Variants in FXR1 observed in about 807,000 individuals in gnomAD.
FXR1 encodes FMR1 autosomal homolog 1.
A neutral mutation model predicts 84.0 loss-of-function variants in FXR1; 15 were observed. That is an observed-to-expected ratio of 0.18 (90% CI 0.12 to 0.27). The LOEUF (loss-of-function observed/expected upper bound fraction) is 0.27. Ranked by LOEUF, FXR1 falls within the 10% of genes least tolerant of loss-of-function variation. The probability of loss-of-function intolerance (pLI) is 1.00; values close to 1 mark genes in which losing one functional copy is unlikely to be tolerated. For synonymous variants in FXR1, 245 were observed against 250.7 expected (o/e 0.98, Z 0.21); for missense variants, 480 against 774.4 (o/e 0.62, Z 4.51).
chr3:180,928,263 C>G (rs1426033312), intron 1 of FXR1, among the ~76,000 whole-genome samples: 2 of 151,860 alleles, frequency 1.3e-5, no homozygotes. Context: ...CTTTTGGAAT[C>G]TGTTCTGTTC....
rs1377440969 is a variant in FXR1 at position 180,978,374 on chromosome 3, A to G, written c.*2082A>G. On this transcript the variant is annotated 3_prime_UTR_variant, in exon 17 of 17. Coordinates refer to ENST00000357559, the MANE Select transcript of FXR1 (RefSeq NM_005087.4). ...ATTACTTTACAAATGACTAAACCCAATGTCTTGTCCTTTAAAAAATATAGG... is the reference window on the plus strand; with the variant it reads ...ATTACTTTACAAATGACTAAACCCAGTGTCTTGTCCTTTAAAAAATATAGG... 5 of 152,118 alleles carry G rather than the reference A, an allele frequency of 3.3e-5. No homozygotes were observed. Among genetic ancestry groups the G allele is most frequent in the African/African-American group, 9.7e-5 (4 of 41,436 alleles). 9.4% of individuals were successfully genotyped at this position (152,118 alleles called of 1,614,324 possible).
intron 9 of FXR1, among the ~76,000 whole-genome samples, chr3:180,955,240 C>T: frequency 6.6e-6 from 1 of 152,006 alleles, no homozygotes; most frequent in South Asian, 2.1e-4. Context: ...ATCTTGTGAT[C>T]CGCCCACCTC....
At chr3:180,961,805 A>G (rs1429112855) in intron 11 of FXR1, among the ~76,000 whole-genome samples, 1 of 152,158 alleles carries the variant, frequency 6.6e-6, no homozygotes, top group Non-Finnish European at 1.5e-5. Flanking sequence ...CTGAGCTTTT[A>G]TATTTCTTTC....
intron 3 of FXR1, among the ~76,000 whole-genome samples, chr3:180,944,060 G>T (rs1351193604): frequency 6.6e-6 from 1 of 151,998 alleles, no homozygotes; most frequent in Non-Finnish European, 1.5e-5. Flanking sequence ...GGGATTACAG[G>T]CATGCACCAC....
At chr3:180,928,479 G>C (rs565882) in intron 1 of FXR1, among the ~76,000 whole-genome samples, 143,132 of 151,206 alleles carry the variant, frequency 0.95, 67,814 homozygotes, top group East Asian at 1. Flanking sequence ...TCAATGGGAT[G>C]CCATTGAAAT....
rs1379082195 is a variant in FXR1, at chr3:180,978,804, G to C, written c.*2512G>C. The C allele has an allele frequency of 6.6e-6, 1 of 152,060 alleles. No individual in the cohort carries two copies. Among genetic ancestry groups the C allele is most frequent in the African/African-American group, 2.4e-5 (1 of 41,428 alleles). 9.4% of individuals were successfully genotyped at this position (152,060 alleles called of 1,614,324 possible). A position where few individuals can be genotyped will look rare whatever the true frequency, so the allele number is the denominator to read the frequency against. On this transcript the variant is annotated 3_prime_UTR_variant, in exon 17 of 17. Transcript: ENST00000357559. ...TATGACACCTGAACGGAATCATGAA[G>C]TAACAGCTGAGATTATATGGTGGCA...
At chr3:180,919,306 C>A in intron 1 of FXR1, among the ~76,000 whole-genome samples, 1 of 137,528 alleles carries the variant, frequency 7.3e-6, no homozygotes. Context: ...TTTTTTTGAG[C>A]CAGAGTCTTG....
rs1034128513 is a variant in FXR1, at chr3:180,977,430, G to A, written c.*1138G>A. The stretch of plus-strand genomic sequence containing the variant: ...ATTCTAATCAAAGGCAACTTTGGAA[G>A]ACAATGGGGGATAGAAGGGATGACA... On this transcript the variant is annotated 3_prime_UTR_variant, in exon 17 of 17. Transcript: ENST00000357559. 1 of 151,942 alleles carries A rather than the reference G, an allele frequency of 6.6e-6. No homozygotes were observed. The highest frequency in any genetic ancestry group is 2.4e-5 in the African/African-American group (1 of 41,320). The allele number at this position is 151,942 out of a possible 1,614,324, so 9.4% of individuals were successfully genotyped here. A position where few individuals can be genotyped will look rare whatever the true frequency, so the allele number is the denominator to read the frequency against.
chr3:180,922,835 A>C (rs1284697543), intron 1 of FXR1, among the ~76,000 whole-genome samples: 1 of 152,070 alleles, frequency 6.6e-6, no homozygotes, highest in Non-Finnish European at 1.5e-5. Context: ...GCTGGCCTCC[A>C]ACTCCTGGAC....
intron 11 of FXR1, 21 bp from the exon 12 acceptor site, chr3:180,962,862 T>TAA (rs748355475): frequency 5.4e-5 from 83 of 1,530,588 alleles, no homozygotes; most frequent in Non-Finnish European, 4.9e-5. Flanking sequence ...GAAGACTTAC[T>TAA]CTTTTTTGTT....
chr3:180,953,753 C>A lies in FXR1; in HGVS notation c.802-9C>A. The A allele has an allele frequency of 1.4e-6, 2 of 1,414,290 alleles. No individual in the cohort carries two copies. The highest frequency in any genetic ancestry group is 4.6e-5 in the East Asian group (2 of 43,546). The allele number at this position is 1,414,290 out of a possible 1,614,324, so 87.6% of individuals were successfully genotyped here. On this transcript the variant is annotated splice_polypyrimidine_tract_variant and intron_variant, in intron 8 of 16. Transcript: ENST00000357559. ...AGGATTTCATTTTTACTTTTCCCCTCATCTACAGAGTGCTGATGCTGTAAA... is the reference window on the plus strand; with the variant it reads ...AGGATTTCATTTTTACTTTTCCCCTAATCTACAGAGTGCTGATGCTGTAAA...
intron 1 of FXR1, 145 bp downstream of exon 1, chr3:180,912,881 C>G (rs1419402511): frequency 1.9e-5 from 27 of 1,442,536 alleles, no homozygotes; most frequent in East Asian, 1.2e-4. Context: ...GCTTCTCCCC[C>G]CTCCACCCGC....
At chr3:180,933,420 T>TGTTGAC in intron 2 of FXR1, 34 bp downstream of exon 2, 1 of 1,267,556 alleles carries the variant, frequency 7.9e-7, no homozygotes, top group Non-Finnish European at 1.2e-6. Context: ...GCCTTAATTT[T>TGTTGAC]AGAGATGGCA....
At chr3:180,936,863 G>A (rs1720580531) in intron 3 of FXR1, among the ~76,000 whole-genome samples, 1 of 152,156 alleles carries the variant, frequency 6.6e-6, no homozygotes, top group South Asian at 2.1e-4. Context: ...AAGTTAAGAA[G>A]TAACTTTTTG....
At chr3:180,928,091 AT>A (rs1371808626) in intron 1 of FXR1, among the ~76,000 whole-genome samples, 2 of 143,736 alleles carry the variant, frequency 1.4e-5, no homozygotes. Context: ...ATTGTTACTG[AT>A]TTTTTTTTGA....
At chr3:180,912,860 C>T (rs1444278448) in intron 1 of FXR1, 124 bp downstream of exon 1, 2 of 1,558,574 alleles carry the variant, frequency 1.3e-6, no homozygotes, top group East Asian at 2.3e-5. Flanking sequence ...CTCGAGGCCG[C>T]TGGATTCCTT....
intron 9 of FXR1, chr3:180,957,539 T>C (rs1711519001): frequency 1.1e-5 from 3 of 264,568 alleles, no homozygotes; most frequent in Middle Eastern, 1.2e-3. Flanking sequence ...GAAAATGATA[T>C]AAGCATATTT....
At chr3:180,971,111 GCCGCAGGCGTCGCTT>G in intron 15 of FXR1, 2 of 1,274,692 alleles carry the variant, frequency 1.6e-6, no homozygotes, top group Middle Eastern at 2.2e-4. Context: ...CGCAATCGTA[GCCGCAGGCGTCGCTT>G]CAGGGGTCAG....
Position 180,947,900 on chromosome 3 carries a change from G to A in FXR1, c.234G>A (p.Gly78=), listed in dbSNP as rs749530999. 2.5e-6 allele frequency: 4 copies of A among 1,608,986 alleles called. No homozygotes were observed. The highest frequency in any genetic ancestry group is 1.1e-5 in the South Asian group (1 of 90,688). Residue 78 remains glycine (G), a synonymous_variant, in exon 4 of 17, where the codon GGG becomes GGA. Transcript: ENST00000357559. ...GAGCAAATGACCAAGAGCCATGTGG[G>A]TGGTGGTTGGCTAAAGTTCGGATGA... The part of the protein sequence containing the change: ...YSRANDQEPC[G]WWLAKVRMMK...
Sources: allele counts gnomAD v4.1 joint callset (sites outside exome capture counted in the v4.1 genomes callset), GRCh38; gene constraint gnomAD v4.1.1; transcripts MANE v1.5; gene names NCBI Gene and HGNC (gene_info 2026-07-23, HGNC 2026-07-21).